Variants in GRID2 observed in about 807,000 individuals in gnomAD.
The protein encoded by GRID2 is glutamate receptor ionotropic, delta-2.
In GRID2, 33 loss-of-function variants were observed where a neutral mutation model predicts 114.8. That is an observed-to-expected ratio of 0.29 (90% CI 0.22 to 0.38). The LOEUF (loss-of-function observed/expected upper bound fraction) is 0.38. Among genes scored for constraint, GRID2 ranks in the 10% least tolerant of loss-of-function variants. The pLI, the probability that GRID2 is intolerant of heterozygous loss-of-function variation, is 1.00. For synonymous variants in GRID2, 505 were observed against 449.9 expected (o/e 1.12, Z -1.55); for missense variants, 1,184 against 1,257.7 (o/e 0.94, Z 0.89).
chr4:92,616,050 GC>G (rs1729990625), intron 2 of GRID2, among the ~76,000 whole-genome samples: 1 of 151,484 alleles, frequency 6.6e-6, no homozygotes, highest in African/African-American at 2.4e-5. Context: ...CTTCATATTT[GC>G]CCACATAATT....
intron 1 of GRID2, among the ~76,000 whole-genome samples, chr4:92,470,182 C>T (rs1295436357): frequency 2.0e-5 from 3 of 151,944 alleles, no homozygotes; most frequent in East Asian, 3.9e-4. Context: ...GGAAATTCTA[C>T]AGCTCCATAC....
At chr4:93,659,050 C>T (rs1455392954) in intron 14 of GRID2, among the ~76,000 whole-genome samples, 2 of 151,996 alleles carry the variant, frequency 1.3e-5, no homozygotes, top group African/African-American at 4.8e-5. Flanking sequence ...CAGCAGCAGC[C>T]CTGTCACCAG....
chr4:92,790,092 A>G (rs2149363727), intron 2 of GRID2, among the ~76,000 whole-genome samples: 1 of 151,974 alleles, frequency 6.6e-6, no homozygotes, highest in Admixed American at 6.6e-5. Flanking sequence ...TACTTGCTTA[A>G]TGTATGTATA....
At chr4:93,015,232 AATGGAACTCTGGCATAG>A (rs1213254719) in intron 2 of GRID2, among the ~76,000 whole-genome samples, 1 of 152,122 alleles carries the variant, frequency 6.6e-6, no homozygotes, top group Non-Finnish European at 1.5e-5. Context: ...ATGGGCCAAA[AATGGAACTCTGGCATAG>A]ACTAGATAGA....
At chr4:93,475,433 T>C (rs992930072) in intron 11 of GRID2, among the ~76,000 whole-genome samples, 3 of 152,152 alleles carry the variant, frequency 2.0e-5, no homozygotes, top group Non-Finnish European at 4.4e-5. Context: ...ATAAATCTAA[T>C]GTATGCTCAA....
intron 14 of GRID2, among the ~76,000 whole-genome samples, chr4:93,751,430 C>T (rs2110283890): frequency 6.6e-6 from 1 of 150,952 alleles, no homozygotes; most frequent in Middle Eastern, 3.4e-3. Context: ...TTTTATTCCT[C>T]TCATTTTTCC....
At chr4:93,730,833 A>G (rs1273236776) in intron 14 of GRID2, among the ~76,000 whole-genome samples, 1 of 152,226 alleles carries the variant, frequency 6.6e-6, no homozygotes, top group Non-Finnish European at 1.5e-5. Flanking sequence ...CAAAGGCTCC[A>G]AACAAAGAGA....
intron 2 of GRID2, among the ~76,000 whole-genome samples, chr4:92,612,293 G>A (rs1333469657): frequency 6.6e-6 from 1 of 151,378 alleles, no homozygotes; most frequent in Non-Finnish European, 1.5e-5. Context: ...GTCTATTTCA[G>A]AATACTCGTG....
intron 2 of GRID2, among the ~76,000 whole-genome samples, chr4:93,049,473 C>A (rs1359508950): frequency 6.6e-6 from 1 of 151,670 alleles, no homozygotes; most frequent in African/African-American, 2.4e-5. Context: ...ATTTGAACTT[C>A]ATTAGTTTAA....
intron 6 of GRID2, among the ~76,000 whole-genome samples, chr4:93,221,281 G>A (rs531990009): frequency 6.6e-6 from 1 of 152,128 alleles, no homozygotes; most frequent in Non-Finnish European, 1.5e-5. Flanking sequence ...AGAGAACTAA[G>A]ATGATCAGCC....
chr4:93,346,029 C>T (rs1760199937), intron 8 of GRID2, among the ~76,000 whole-genome samples: 7 of 152,084 alleles, frequency 4.6e-5, no homozygotes. Context: ...CAACACCATG[C>T]TGTTTTAATT....
rs368725919 is a variant in GRID2 at position 92,342,453 on chromosome 4, A to G, written c.88+37709A>G. ...AAGGAGACTTGAGCCTGAAGAAGCC[A>G]TATAATTAGAGAAGTCAGTGATCTC... is the stretch of plus-strand genomic sequence containing the variant. On this transcript the variant is annotated intron_variant, in intron 1 of 15. Transcript: ENST00000282020. Among the ~76,000 whole-genome samples the G allele has an allele frequency of 3.7e-4, 57 of 152,338 alleles. No individual in the cohort carries two copies. The East Asian group carries it at 8.7e-3, about 23-fold the overall frequency.
intron 1 of GRID2, among the ~76,000 whole-genome samples, chr4:92,476,989 GATAAAA>G (rs1350243627): frequency 6.7e-6 from 1 of 148,790 alleles, no homozygotes; most frequent in East Asian, 2.0e-4. Context: ...TCATTCTTAG[GATAAAA>G]ATCCTTTGCA....
intron 2 of GRID2, among the ~76,000 whole-genome samples, chr4:92,997,214 TGTGAAAGAGCTA>T (rs1755256128): frequency 6.6e-6 from 1 of 152,174 alleles, no homozygotes; most frequent in Admixed American, 6.5e-5. Context: ...GTGTCAAGGC[TGTGAAAGAGCTA>T]GTGTGTTAGG....
chr4:93,029,687 TATACA>T (rs1005984158), intron 2 of GRID2, among the ~76,000 whole-genome samples: 68 of 152,270 alleles, frequency 4.5e-4, no homozygotes, highest in Non-Finnish European at 4.1e-4. Flanking sequence ...AGTAACAAAA[TATACA>T]ATAGCATCAG....
intron 14 of GRID2, among the ~76,000 whole-genome samples, chr4:93,657,200 A>G (rs1391383803): frequency 2.0e-5 from 3 of 152,170 alleles, no homozygotes; most frequent in Non-Finnish European, 2.9e-5. Context: ...CTTTTCACAC[A>G]GTATTTCTTT....
rs539886589 is a variant in GRID2 at position 92,319,631 on chromosome 4, T to A, written c.88+14887T>A. Among the ~76,000 whole-genome samples, 6 of 152,344 alleles carry A rather than the reference T, an allele frequency of 3.9e-5. No individual in the cohort carries two copies. The South Asian group carries it at 1.2e-3, about 32-fold the overall frequency. On this transcript the variant is annotated intron_variant, in intron 1 of 15. Transcript: ENST00000282020. Reference sequence around the variant, plus strand: ...TTTGGTGCCATTTAACAAAATGTTGTATCTTTTGTGCTTCCTGTCTGGACA... The same window carrying A: ...TTTGGTGCCATTTAACAAAATGTTGAATCTTTTGTGCTTCCTGTCTGGACA...
chr4:93,409,057 C>T (rs1055317351), intron 9 of GRID2, among the ~76,000 whole-genome samples: 2 of 152,086 alleles, frequency 1.3e-5, no homozygotes, highest in Non-Finnish European at 2.9e-5. Context: ...CTTGTTCTCT[C>T]CACATCTTTT....
rs570228396 is a variant in GRID2 at position 92,519,945 on chromosome 4, G to A, written c.89-70186G>A. Reference sequence around the variant, plus strand: ...CGGAATTTGCTTTTCTCAGTCTACCGATTCAAATGTTAATCTCATCTAGAA... The same window carrying A: ...CGGAATTTGCTTTTCTCAGTCTACCAATTCAAATGTTAATCTCATCTAGAA... On this transcript the variant is annotated intron_variant, in intron 1 of 15. Coordinates refer to ENST00000282020, the MANE Select transcript of GRID2 (RefSeq NM_001510.4). 7.2e-5 allele frequency among the ~76,000 whole-genome samples: 11 copies of A among 151,920 alleles called. No homozygotes were observed. In the South Asian group the frequency reaches 1.9e-3, roughly 26 times the overall value.
Sources: allele counts gnomAD v4.1 joint callset (sites outside exome capture counted in the v4.1 genomes callset), GRCh38; gene constraint gnomAD v4.1.1; transcripts MANE v1.5; gene names NCBI Gene and HGNC (gene_info 2026-07-23, HGNC 2026-07-21).